Variants in ERBB4 observed in about 807,000 individuals in gnomAD.
ERBB4 encodes erb-b2 receptor tyrosine kinase 4.
In ERBB4, 42 loss-of-function variants were observed where a neutral mutation model predicts 158.0. That is an observed-to-expected ratio of 0.27 (90% confidence interval 0.21 to 0.34). The LOEUF (loss-of-function observed/expected upper bound fraction) is 0.34, where lower values mean the gene tolerates loss of function less well. Ranked by LOEUF, ERBB4 falls within the 10% of genes least tolerant of loss-of-function variation. The pLI, the probability that ERBB4 is intolerant of heterozygous loss-of-function variation, is 1.00. For synonymous variants in ERBB4, 583 were observed against 558.7 expected, an observed-to-expected ratio of 1.04 and a Z score of -0.61; for missense variants, 1,333 against 1,624.1, an observed-to-expected ratio of 0.82 and a Z score of 3.08.
intron 3 of ERBB4, among the ~76,000 whole-genome samples, chr2:211,861,350 G>GTTTTTTTTTTTTTT (rs67133944): frequency 2.2e-5 from 2 of 88,952 alleles, no homozygotes; most frequent in Admixed American, 1.7e-4. Context: ...TTTTTTTTTT[G>GTTTTTTTTTTTTTT]TTTTTTTTTT....
chr2:211,703,154 G>A (rs2073314066), intron 11 of ERBB4, among the ~76,000 whole-genome samples: 1 of 151,890 alleles, frequency 6.6e-6, no homozygotes, highest in South Asian at 2.1e-4. Flanking sequence ...TATGCTCAAT[G>A]ATAAAGACTA....
chr2:211,419,141 G>A (rs931661804), intron 25 of ERBB4, among the ~76,000 whole-genome samples: 1 of 150,420 alleles, frequency 6.6e-6, no homozygotes, highest in African/African-American at 2.5e-5. Context: ...TAACTTTGAA[G>A]CAAACCTACA....
chr2:211,919,064 T>C (rs1229063454), intron 3 of ERBB4, among the ~76,000 whole-genome samples: 6 of 152,084 alleles, frequency 3.9e-5, no homozygotes, highest in Non-Finnish European at 8.8e-5. Context: ...AGGTCTATCT[T>C]ATTTCCCAGT....
At chr2:211,786,653 T>C (rs1479748190) in intron 4 of ERBB4, among the ~76,000 whole-genome samples, 3 of 152,220 alleles carry the variant, frequency 2.0e-5, no homozygotes, top group Non-Finnish European at 2.9e-5. Flanking sequence ...CACTTCCCTT[T>C]TGGCTTCTGT....
chr2:211,758,489 ACT>A (rs2106232898), intron 4 of ERBB4, among the ~76,000 whole-genome samples: 1 of 152,310 alleles, frequency 6.6e-6, no homozygotes, highest in South Asian at 2.1e-4. Flanking sequence ...ATTAATTATC[ACT>A]GTTTATAGCT....
At chr2:211,545,710 A>C (rs898458071) in intron 20 of ERBB4, among the ~76,000 whole-genome samples, 1 of 152,050 alleles carries the variant, frequency 6.6e-6, no homozygotes, top group Non-Finnish European at 1.5e-5. Flanking sequence ...TTGGGGCGAT[A>C]ATCATTAGCG....
intron 1 of ERBB4, among the ~76,000 whole-genome samples, chr2:212,460,620 G>T (rs1688523771): frequency 6.6e-6 from 1 of 152,120 alleles, no homozygotes; most frequent in Admixed American, 6.5e-5. Flanking sequence ...AGGGTATCTG[G>T]TGGAAGACAT....
chr2:211,779,487 G>A (rs781468343), intron 4 of ERBB4: 15 of 152,098 alleles, frequency 9.9e-5, no homozygotes, highest in Admixed American at 5.2e-4. Context: ...ATATTCATAG[G>A]TGTTAATTTA....
chr2:211,900,095 G>A (rs772132978), intron 3 of ERBB4, among the ~76,000 whole-genome samples: 4 of 152,090 alleles, frequency 2.6e-5, no homozygotes, highest in African/African-American at 4.8e-5. Flanking sequence ...ACAGTAACCC[G>A]AGGCCTCAAC....
At position 211,400,556 on chromosome 2, in the gene ERBB4, T is replaced by G. The variant is rs1264318078; in HGVS notation, c.3136-12564A>C. 2.0e-5 allele frequency among the ~76,000 whole-genome samples: 3 copies of G among 152,140 alleles called. No individual in the cohort carries two copies. In the East Asian group the frequency reaches 5.8e-4, roughly 29 times the overall value. ...CAAACTTTGCATGTTCTCACATATC[T>G]GTGGGAGCTAAAAATTAACACAATT... On this transcript the variant is annotated intron_variant, in intron 25 of 27. Transcript: ENST00000342788.
intron 5 of ERBB4, among the ~76,000 whole-genome samples, chr2:211,731,599 A>G (rs2106153413): frequency 1.3e-5 from 2 of 152,250 alleles, no homozygotes; most frequent in East Asian, 3.9e-4. Flanking sequence ...CACTTAATTA[A>G]AGATAGGAGG....
intron 2 of ERBB4, among the ~76,000 whole-genome samples, chr2:212,082,577 G>GC (rs1257590985): frequency 6.6e-6 from 1 of 151,928 alleles, no homozygotes; most frequent in African/African-American, 2.4e-5. Flanking sequence ...GTTTTTCAAA[G>GC]CACTTCTGAC....
chr2:212,374,081 C>CATATATATATATCCATATATATCCAT lies in ERBB4; in HGVS notation c.82+164367_82+164368insATGGATATATATGGATATATATATAT, dbSNP rs1335922748. Among the ~76,000 whole-genome samples, 154 of 109,010 alleles carry CATATATATATATCCATATATATCCAT rather than the reference C, an allele frequency of 1.4e-3. 2 individuals carry two copies. The highest frequency in any genetic ancestry group is 4.9e-3 in the African/African-American group (140 of 28,838). The allele number at this position is 109,010 out of a possible 152,430, so 71.5% of individuals were successfully genotyped here. The stretch of plus-strand genomic sequence containing the variant: ...ATCCATATATATCCATATATATATC[C>CATATATATATATCCATATATATCCAT]ATATATATCCATATATATATATACA... On this transcript the variant is annotated intron_variant, in intron 1 of 27. Coordinates refer to ENST00000342788, the MANE Select transcript of ERBB4 (RefSeq NM_005235.3).
At position 212,461,261 on chromosome 2, in the gene ERBB4, T is replaced by C. The variant is rs959013699; in HGVS notation, c.82+77188A>G. On this transcript the variant is annotated intron_variant, in intron 1 of 27. Transcript: ENST00000342788. ...ATGTGCCTGGAAAAGTAGCAGACACTCAAAGCCAGCCTGTGAAAGCAGCCA... is the reference window on the plus strand; with the variant it reads ...ATGTGCCTGGAAAAGTAGCAGACACCCAAAGCCAGCCTGTGAAAGCAGCCA... Among the ~76,000 whole-genome samples, 17 of 151,988 alleles carry C rather than the reference T, an allele frequency of 1.1e-4. 1 individual carries two copies. The highest frequency in any genetic ancestry group is 3.4e-4 in the African/African-American group (14 of 41,408).
intron 19 of ERBB4, among the ~76,000 whole-genome samples, chr2:211,571,951 A>G (rs1352772607): frequency 1.3e-5 from 2 of 151,862 alleles, no homozygotes; most frequent in Non-Finnish European, 2.9e-5. Flanking sequence ...TTTTTTTTTA[A>G]TTTCAGAAAC....
intron 1 of ERBB4, among the ~76,000 whole-genome samples, chr2:212,424,007 C>A (rs1405014505): frequency 6.6e-6 from 1 of 152,036 alleles, no homozygotes; most frequent in Non-Finnish European, 1.5e-5. Context: ...GTAATAAATT[C>A]TAAAATACAA....
chr2:211,539,773 AC>A (rs2066749380), intron 20 of ERBB4, among the ~76,000 whole-genome samples: 1 of 151,968 alleles, frequency 6.6e-6, no homozygotes, highest in African/African-American at 2.4e-5. Flanking sequence ...AGGCAGAAAT[AC>A]AAAGGGAGGT....
At chr2:211,919,585 C>T (rs1483849226) in intron 3 of ERBB4, among the ~76,000 whole-genome samples, 1 of 151,956 alleles carries the variant, frequency 6.6e-6, no homozygotes, top group African/African-American at 2.4e-5. Flanking sequence ...TGGTATTTAT[C>T]CTTTGGGGCT....
At chr2:211,579,914 G>A (rs1050695691) in intron 19 of ERBB4, among the ~76,000 whole-genome samples, 27 of 152,144 alleles carry the variant, frequency 1.8e-4, no homozygotes, top group African/African-American at 6.3e-4. Context: ...ATTAACCTAC[G>A]TAACCTACGT....
Sources: allele counts gnomAD v4.1 joint callset (sites outside exome capture counted in the v4.1 genomes callset), GRCh38; gene constraint gnomAD v4.1.1; transcripts MANE v1.5; gene names NCBI Gene and HGNC (gene_info 2026-07-23, HGNC 2026-07-21).